CTDSPL2: variants seen among roughly 807,000 people sequenced by gnomAD.
CTDSPL2 encodes CTD small phosphatase like 2, also known as CTD small phosphatase-like protein 2.
Under a neutral mutation model 60.0 loss-of-function variants are expected in CTDSPL2, and 5 were observed. The observed-to-expected ratio is 0.08, with a 90% CI of 0.04 to 0.18. CTDSPL2 has a LOEUF of 0.18. Ranked by LOEUF, CTDSPL2 falls within the 10% of genes least tolerant of loss-of-function variation. The pLI is 1.00. For missense variants in CTDSPL2, 370 were observed against 548.8 expected (o/e 0.67, Z 3.26); for synonymous variants, 186 against 189.3 (o/e 0.98, Z 0.14).
intron 2 of CTDSPL2, among the ~76,000 whole-genome samples, chr15:44,471,166 G>T (rs531027989): frequency 7.9e-5 from 12 of 152,110 alleles, no homozygotes; most frequent in Non-Finnish European, 1.5e-4. Flanking sequence ...GTTACCACAT[G>T]TATCTGTAGT....
At chr15:44,504,561 T>C (rs769939801) in intron 8 of CTDSPL2, among the ~76,000 whole-genome samples, 3 of 152,174 alleles carry the variant, frequency 2.0e-5, no homozygotes, top group Non-Finnish European at 4.4e-5. Context: ...TTGAGATTCA[T>C]CTACAAAAGT....
At chr15:44,509,535 T>C (rs2081530770) in intron 8 of CTDSPL2, among the ~76,000 whole-genome samples, 1 of 152,198 alleles carries the variant, frequency 6.6e-6, no homozygotes, top group African/African-American at 2.4e-5. Context: ...AATCCAGCTA[T>C]GTTAACTATT....
At position 44,484,275 on chromosome 15, in the gene CTDSPL2, A is replaced by G. The variant is rs777907964; in HGVS notation, c.238A>G (p.Asn80Asp). The G allele has an allele frequency of 5.0e-6, 8 of 1,611,624 alleles. No individual in the cohort carries two copies. Residue 80 changes from asparagine to aspartate, a missense_variant, in exon 3 of 13, where the codon AAC becomes GAC. Physicochemically the swap from Asn to Asp is conservative, Grantham distance 23 (BLOSUM62 1). This residue lies in a region of CTDSPL2 where 287 missense variants were observed against 296.1 expected (regional missense o/e 0.97). Transcript: ENST00000260327. ...GAGTAGAATTGAACGTGATATAGATAACAATTTGATCACGTCAACACCAAG... is the reference window on the plus strand; with the variant it reads ...GAGTAGAATTGAACGTGATATAGATGACAATTTGATCACGTCAACACCAAG... ...KRSRIERDID[N>D]NLITSTPRAG...
chr15:44,433,117 C>T (rs879287652), intron 1 of CTDSPL2, among the ~76,000 whole-genome samples: 1 of 151,414 alleles, frequency 6.6e-6, no homozygotes, highest in Non-Finnish European at 1.5e-5. Flanking sequence ...GAGTTCGAGA[C>T]CAGCCTGGGC....
At chr15:44,450,646 G>T (rs984732711) in intron 1 of CTDSPL2, among the ~76,000 whole-genome samples, 2 of 138,568 alleles carry the variant, frequency 1.4e-5, no homozygotes, top group South Asian at 4.5e-4. Flanking sequence ...ACGCAGATTG[G>T]AGTATAGCGG....
At chr15:44,448,228 T>C in intron 1 of CTDSPL2, 1 of 302,640 alleles carries the variant, frequency 3.3e-6, no homozygotes, top group South Asian at 2.9e-5. Context: ...GGCACCCATG[T>C]GCTCCAGGCC....
intron 2 of CTDSPL2, among the ~76,000 whole-genome samples, chr15:44,465,712 CTTTTTTTTTTTT>C (rs772862374): frequency 7.8e-6 from 1 of 128,038 alleles, no homozygotes; most frequent in Non-Finnish European, 1.6e-5. Flanking sequence ...TCCTCCTCCT[CTTTTTTTTTTTT>C]TTTTTTTTGG....
intron 2 of CTDSPL2, among the ~76,000 whole-genome samples, chr15:44,477,093 G>A (rs1478569971): frequency 6.6e-6 from 1 of 152,210 alleles, no homozygotes; most frequent in African/African-American, 2.4e-5. Flanking sequence ...GTCAAGCGTG[G>A]TGCTGCACAC....
intron 2 of CTDSPL2, among the ~76,000 whole-genome samples, chr15:44,474,963 T>G (rs932401547): frequency 6.6e-6 from 1 of 152,142 alleles, no homozygotes; most frequent in Non-Finnish European, 1.5e-5. Flanking sequence ...CAAGTTGTTC[T>G]AGAATGGACT....
intron 1 of CTDSPL2, among the ~76,000 whole-genome samples, chr15:44,454,111 C>T (rs1456043299): frequency 5.3e-5 from 8 of 152,138 alleles, no homozygotes; most frequent in African/African-American, 9.7e-5. Context: ...TTTTAATGAT[C>T]GCCATTCTAA....
chr15:44,509,561 C>T (rs951153318), intron 8 of CTDSPL2, among the ~76,000 whole-genome samples: 1 of 152,146 alleles, frequency 6.6e-6, no homozygotes, highest in African/African-American at 2.4e-5. Flanking sequence ...CCTTTCAGTA[C>T]TATCTATATA....
At chr15:44,431,727 T>G (rs1259771037) in intron 1 of CTDSPL2, among the ~76,000 whole-genome samples, 1 of 148,642 alleles carries the variant, frequency 6.7e-6, no homozygotes, top group Non-Finnish European at 1.5e-5. Context: ...TTTTTTTTTT[T>G]TTTTTTTTGA....
intron 2 of CTDSPL2, among the ~76,000 whole-genome samples, chr15:44,467,803 G>A (rs1032686535): frequency 6.6e-6 from 1 of 152,182 alleles, no homozygotes; most frequent in Non-Finnish European, 1.5e-5. Flanking sequence ...TTGAACTCCT[G>A]ACCTCAAGTG....
At chr15:44,454,335 C>G (rs1408893140) in intron 1 of CTDSPL2, among the ~76,000 whole-genome samples, 1 of 151,948 alleles carries the variant, frequency 6.6e-6, no homozygotes, top group Non-Finnish European at 1.5e-5. Context: ...AGCCCTTTGT[C>G]AGATGAGTAG....
chr15:44,524,277 C>G lies in CTDSPL2; in HGVS notation c.*103C>G. 1.2e-6 allele frequency: 1 copy of G among 857,934 alleles called. No homozygotes were observed. Among genetic ancestry groups the G allele is most frequent in the Non-Finnish European group, 1.9e-6 (1 of 516,310 alleles). The allele number at this position is 857,934 out of a possible 1,614,324, so 53.1% of individuals were successfully genotyped here. A position where few individuals can be genotyped will look rare whatever the true frequency, so the allele number is the denominator to read the frequency against. Reference sequence around the variant, plus strand: ...CTGTTGAAATTTTGCATTTTTGTACCCCGTCTTGCTTTTCTTATCTTTGGT... The same window carrying G: ...CTGTTGAAATTTTGCATTTTTGTACGCCGTCTTGCTTTTCTTATCTTTGGT... On this transcript the variant is annotated 3_prime_UTR_variant, in exon 13 of 13. Coordinates refer to ENST00000260327, the MANE Select transcript of CTDSPL2 (RefSeq NM_016396.3).
intron 2 of CTDSPL2, among the ~76,000 whole-genome samples, chr15:44,478,521 A>T (rs1390322287): frequency 6.7e-6 from 1 of 149,028 alleles, no homozygotes; most frequent in African/African-American, 2.4e-5. Flanking sequence ...TTGCATGTTG[A>T]TAACAGTGCC....
chr15:44,499,945 T>C, intron 8 of CTDSPL2, 132 bp downstream of exon 8: 1 of 553,806 alleles, frequency 1.8e-6, no homozygotes, highest in Non-Finnish European at 3.3e-6. Context: ...TTCATCAACA[T>C]TTTAATGATT....
intron 1 of CTDSPL2, among the ~76,000 whole-genome samples, chr15:44,441,814 T>G (rs1281959475): frequency 6.6e-6 from 1 of 152,164 alleles, no homozygotes; most frequent in Non-Finnish European, 1.5e-5. Flanking sequence ...CAGAACCCAG[T>G]TAATTTAGAA....
Position 44,484,218 on chromosome 15 carries a change from C to T in CTDSPL2, c.187-6C>T, listed in dbSNP as rs1458126453. ...TAGTGTGTTTTTTTTTCTCTTATAT[C>T]TTAAGGAAGAGAGAGAAAATCCTTC... On this transcript the variant is annotated splice_polypyrimidine_tract_variant and splice_region_variant and intron_variant, in intron 2 of 12. Coordinates refer to ENST00000260327, the MANE Select transcript of CTDSPL2 (RefSeq NM_016396.3). 6 of 1,590,888 alleles carry T rather than the reference C, an allele frequency of 3.8e-6. No homozygotes were observed. The highest frequency in any genetic ancestry group is 4.5e-5 in the East Asian group (2 of 44,060).
Sources: gnomAD v4.1 joint callset for allele counts (sites outside exome capture counted in the v4.1 genomes callset) on GRCh38, gnomAD v4.1.1 for gene constraint, gnomAD v4.1.1 regional missense constraint, MANE v1.5 for transcripts, NCBI Gene and HGNC (gene_info 2026-07-23, HGNC 2026-07-21) for gene names.